XKR4: variants seen among roughly 807,000 people sequenced by gnomAD.
XKR4 encodes XK-related protein 4.
In XKR4, 12 loss-of-function variants were observed where a neutral mutation model predicts 53.9. The observed-to-expected ratio is 0.22, with a 90% CI of 0.14 to 0.36. XKR4 has a LOEUF of 0.36. Ranked by LOEUF, XKR4 falls within the 10% of genes least tolerant of loss-of-function variation. The pLI, the probability that XKR4 is intolerant of heterozygous loss-of-function variation, is 1.00. For synonymous variants in XKR4, 354 were observed against 362.4 expected, an observed-to-expected ratio of 0.98 and a Z score of 0.26; for missense variants, 799 against 859.5, an observed-to-expected ratio of 0.93 and a Z score of 0.88.
At chr8:55,276,159 G>A (rs890108062) in intron 1 of XKR4, among the ~76,000 whole-genome samples, 2 of 152,156 alleles carry the variant, frequency 1.3e-5, no homozygotes, top group African/African-American at 2.4e-5. Flanking sequence ...ACTTCACACA[G>A]CATTTAAAAT....
intron 2 of XKR4, among the ~76,000 whole-genome samples, chr8:55,421,991 T>C (rs1472818418): frequency 6.6e-6 from 1 of 152,202 alleles, no homozygotes; most frequent in African/African-American, 2.4e-5. Flanking sequence ...AGAAGCTGTA[T>C]TGATGTATGT....
chr8:55,419,358 C>G (rs1804893488), intron 2 of XKR4, among the ~76,000 whole-genome samples: 1 of 152,188 alleles, frequency 6.6e-6, no homozygotes, highest in African/African-American at 2.4e-5. Flanking sequence ...GCACTCCAGC[C>G]TGGGCAACAA....
Position 55,105,209 on chromosome 8 carries a change from A to G in XKR4, c.806+1915A>G, listed in dbSNP as rs181807674. ...ACCTTCTAAACCAAACATCTCCCCA[A>G]TTGAAAAATGATTCTTAATTTTCTA... On this transcript the variant is annotated intron_variant, in intron 1 of 2. Transcript: ENST00000327381. Among the ~76,000 whole-genome samples the G allele has an allele frequency of 3.3e-5, 5 of 152,318 alleles. No homozygotes were observed. In the East Asian group the frequency reaches 9.6e-4, roughly 29 times the overall value.
At chr8:55,238,811 T>C (rs1818169399) in intron 1 of XKR4, among the ~76,000 whole-genome samples, 1 of 152,188 alleles carries the variant, frequency 6.6e-6, no homozygotes, top group Non-Finnish European at 1.5e-5. Context: ...ACCTCAAATT[T>C]CATCCATCCA....
chr8:55,411,562 AACTGACCACTT>A (rs1483477401), intron 2 of XKR4, among the ~76,000 whole-genome samples: 2 of 152,200 alleles, frequency 1.3e-5, no homozygotes, highest in East Asian at 3.8e-4. Flanking sequence ...CTGGCTCTTC[AACTGACCACTT>A]GCCTAACCCT....
chr8:55,512,056 T>C (rs556607084), intron 2 of XKR4, among the ~76,000 whole-genome samples: 1 of 152,198 alleles, frequency 6.6e-6, no homozygotes, highest in Non-Finnish European at 1.5e-5. Context: ...AGACACATGG[T>C]GTCACTGATT....
In XKR4 at chr8:55,530,719, T is replaced by C. The variant is rs953188104; in HGVS notation, c.*6492T>C. ...TTTAAGAGATCTTTATGAATTTATA[T>C]AAAATTAGAAGTCACTGATTTTTAT... On this transcript the variant is annotated 3_prime_UTR_variant, in exon 3 of 3. Transcript: ENST00000327381. 2 of 152,226 alleles carry C rather than the reference T, an allele frequency of 1.3e-5. No homozygotes were observed. Among genetic ancestry groups the C allele is most frequent in the African/African-American group, 4.8e-5 (2 of 41,466 alleles). 9.4% of individuals were successfully genotyped at this position (152,226 alleles called of 1,614,324 possible).
chr8:55,477,754 G>A (rs192161137), intron 2 of XKR4, among the ~76,000 whole-genome samples: 75 of 152,248 alleles, frequency 4.9e-4, no homozygotes, highest in African/African-American at 1.7e-3. Context: ...ACTACGTGAA[G>A]AATGCAAAAG....
chr8:55,222,171 A>C (rs964433118), intron 1 of XKR4, among the ~76,000 whole-genome samples: 1 of 152,074 alleles, frequency 6.6e-6, no homozygotes, highest in Non-Finnish European at 1.5e-5. Context: ...GTCTTCTCAG[A>C]TGTTTTCTTA....
chr8:55,316,745 C>T (rs1819484047), intron 1 of XKR4, among the ~76,000 whole-genome samples: 1 of 152,154 alleles, frequency 6.6e-6, no homozygotes, highest in East Asian at 1.9e-4. Context: ...CCGATCCACT[C>T]CACCCTTTCT....
intron 2 of XKR4, among the ~76,000 whole-genome samples, chr8:55,491,461 C>T (rs2939670): frequency 0.42 from 64,058 of 151,710 alleles, 15,052 homozygotes; most frequent in African/African-American, 0.64. Flanking sequence ...ATTAACTTAC[C>T]TGTGGATGAG....
chr8:55,376,271 T>C (rs1215252750), intron 2 of XKR4, among the ~76,000 whole-genome samples: 1 of 152,202 alleles, frequency 6.6e-6, no homozygotes, highest in African/African-American at 2.4e-5. Flanking sequence ...GGTAAAATGG[T>C]ATTTCTGGTT....
At chr8:55,492,282 A>G (rs1442162802) in intron 2 of XKR4, among the ~76,000 whole-genome samples, 1 of 152,202 alleles carries the variant, frequency 6.6e-6, no homozygotes, top group African/African-American at 2.4e-5. Context: ...TCCATGCTTT[A>G]TATATTTAGT....
chr8:55,369,037 G>A (rs1804032752), intron 2 of XKR4, among the ~76,000 whole-genome samples: 2 of 152,016 alleles, frequency 1.3e-5, no homozygotes, highest in South Asian at 4.2e-4. Context: ...GCATGAAGGA[G>A]AAGGTATAAA....
chr8:55,414,298 A>T (rs1412228398), intron 2 of XKR4, among the ~76,000 whole-genome samples: 1 of 152,148 alleles, frequency 6.6e-6, no homozygotes, highest in African/African-American at 2.4e-5. Flanking sequence ...TCAGATATTT[A>T]GTCAGCTTTT....
intron 1 of XKR4, among the ~76,000 whole-genome samples, chr8:55,196,744 TAAA>T (rs1479931010): frequency 6.6e-6 from 1 of 152,188 alleles, no homozygotes; most frequent in Admixed American, 6.5e-5. Context: ...TTCATTCTAT[TAAA>T]AGAATAAGAA....
chr8:55,413,731 C>T (rs575007051), intron 2 of XKR4, among the ~76,000 whole-genome samples: 5 of 152,254 alleles, frequency 3.3e-5, no homozygotes, highest in South Asian at 2.1e-4. Flanking sequence ...GCCACTCAAG[C>T]GATATTGATG....
intron 2 of XKR4, among the ~76,000 whole-genome samples, chr8:55,362,883 C>A (rs1803924863): frequency 6.6e-6 from 1 of 152,150 alleles, no homozygotes. Context: ...CCAGAGCAGC[C>A]CAGAACACCA....
rs150999025 is a variant in XKR4, at chr8:55,135,637, C to T, written c.806+32343C>T. On this transcript the variant is annotated intron_variant, in intron 1 of 2. Coordinates refer to ENST00000327381, the MANE Select transcript of XKR4 (RefSeq NM_052898.2). The stretch of plus-strand genomic sequence containing the variant: ...GAGGAAAAGCCAAGGACAGATGGCT[C>T]CCTGGATAGAGGAGTCTTCAAAAAA... The T allele has an allele frequency of 6.8e-5, 31 of 456,234 alleles. 1 individual carries two copies. The highest frequency in any genetic ancestry group is 1.0e-4 in the Non-Finnish European group (23 of 226,930). The allele number at this position is 456,234 out of a possible 1,614,324, so 28.3% of individuals were successfully genotyped here.
Sources: allele counts gnomAD v4.1 joint callset (sites outside exome capture counted in the v4.1 genomes callset), GRCh38; gene constraint gnomAD v4.1.1; transcripts MANE v1.5; gene names NCBI Gene and HGNC (gene_info 2026-07-23, HGNC 2026-07-21).